The following TENM1 variants were observed in gnomAD, a reference collection of about 807,000 sequenced individuals.
The protein encoded by TENM1 is teneurin-1.
In TENM1, 35 loss-of-function variants were observed where a neutral mutation model predicts 174.8. The observed-to-expected ratio is 0.20, with a 90% confidence interval of 0.15 to 0.27. The LOEUF is 0.27. Among genes scored for constraint, TENM1 ranks in the 10% least tolerant of loss-of-function variants. The pLI is 1.00. For synonymous variants in TENM1, 781 were observed against 798.7 expected (o/e 0.98, Z 0.37); for missense variants, 1,633 against 2,130.1 (o/e 0.77, Z 4.59).
At chrX:125,193,398 T>C in the TENM1 span, among the ~76,000 whole-genome samples, 1 of 112,216 alleles carries the variant, frequency 8.9e-6, no homozygotes, top group Middle Eastern at 4.6e-3. Flanking sequence ...TTAGATTTTC[T>C]TTTTTAGAGA....
the TENM1 span, among the ~76,000 whole-genome samples, chrX:125,141,638 A>G: frequency 9.0e-6 from 1 of 111,482 alleles, no homozygotes; most frequent in African/African-American, 3.3e-5. Flanking sequence ...GGAGAGAAGC[A>G]TAACAGAAGA....
intron 18 of TENM1, among the ~76,000 whole-genome samples, chrX:124,510,574 G>A (rs1243393658): frequency 8.9e-6 from 1 of 111,799 alleles, no homozygotes; most frequent in African/African-American, 3.3e-5. Flanking sequence ...AGTCCCCTCT[G>A]ATATGGGTTG....
chrX:124,553,264 AGG>A (rs58349017), intron 14 of TENM1, among the ~76,000 whole-genome samples: 41,206 of 106,975 alleles, frequency 0.39, 6,558 homozygotes, highest in East Asian at 0.81. Context: ...TGGGAGACTG[AGG>A]GGGGGGGTGG....
At chrX:124,541,235 A>G (rs2048312343) in intron 15 of TENM1, among the ~76,000 whole-genome samples, 1 of 111,489 alleles carries the variant, frequency 9.0e-6, no homozygotes, top group Admixed American at 9.6e-5. Flanking sequence ...AGCATGATAT[A>G]GTTTGTATGT....
At position 124,954,625 on chromosome X, in the gene TENM1, G is replaced by A. The variant is rs1375197935; in HGVS notation, c.217+8912C>T. Among the ~76,000 whole-genome samples the A allele has an allele frequency of 2.7e-5, 3 of 111,582 alleles. No homozygotes were observed. In the Admixed American group the frequency reaches 2.9e-4, roughly 11 times the overall value. Reference sequence around the variant, plus strand: ...GTAAATCAAGATGACATAATGGCAAGGGAGGGTGAAATGTAGGGGCAGAGT... The same window carrying A: ...GTAAATCAAGATGACATAATGGCAAAGGAGGGTGAAATGTAGGGGCAGAGT... On this transcript the variant is annotated intron_variant, in intron 1 of 31. Coordinates refer to ENST00000422452, the Ensembl canonical transcript of TENM1.
upstream of TENM1, among the ~76,000 whole-genome samples, chrX:124,964,145 G>A (rs1460164459): frequency 8.9e-6 from 1 of 112,324 alleles, no homozygotes; most frequent in Non-Finnish European, 1.9e-5. Context: ...TAAAATCAGT[G>A]GTTAGATTAA....
the TENM1 span, among the ~76,000 whole-genome samples, chrX:125,005,435 GTGT>G: frequency 9.2e-6 from 1 of 108,502 alleles, no homozygotes; most frequent in African/African-American, 3.3e-5. Flanking sequence ...GTGTGTGTGT[GTGT>G]GTGTGTATTT....
At chrX:125,044,213 AAAAAAAAAAT>A in the TENM1 span, among the ~76,000 whole-genome samples, 21 of 92,402 alleles carry the variant, frequency 2.3e-4, no homozygotes, top group African/African-American at 1.0e-3. Flanking sequence ...AAAAAAAAAT[AAAAAAAAAAT>A]AAAAAAAAAA....
intron 1 of TENM1, among the ~76,000 whole-genome samples, chrX:124,945,488 A>C (rs2147766110): frequency 9.0e-6 from 1 of 111,422 alleles, no homozygotes; most frequent in South Asian, 3.8e-4. Context: ...GCCTATTGCA[A>C]AAATCAATAT....
the TENM1 span, among the ~76,000 whole-genome samples, chrX:125,141,049 T>C: frequency 1.8e-5 from 2 of 112,230 alleles, no homozygotes; most frequent in Non-Finnish European, 3.8e-5. Flanking sequence ...GTTTAGGCCC[T>C]ACCTATAATC....
intron 23 of TENM1, among the ~76,000 whole-genome samples, chrX:124,451,257 A>G (rs1239051701): frequency 9.1e-6 from 1 of 110,434 alleles, no homozygotes; most frequent in Non-Finnish European, 1.9e-5. Flanking sequence ...GCTACACTGA[A>G]TTTTCTTTTA....
At chrX:125,039,393 A>G in the TENM1 span, among the ~76,000 whole-genome samples, 3 of 111,443 alleles carry the variant, frequency 2.7e-5, no homozygotes, top group African/African-American at 6.5e-5. Context: ...TATCTGTGGT[A>G]TACATCAAAT....
At chrX:124,876,734 C>A (rs999101326) in intron 3 of TENM1, among the ~76,000 whole-genome samples, 1 of 111,869 alleles carries the variant, frequency 8.9e-6, no homozygotes, top group African/African-American at 3.2e-5. Flanking sequence ...AATCAGATTT[C>A]TTTCTCTACT....
chrX:124,405,649 G>A (rs1294520109), intron 26 of TENM1, among the ~76,000 whole-genome samples: 2 of 110,696 alleles, frequency 1.8e-5, no homozygotes, highest in Non-Finnish European at 3.8e-5. Context: ...CTTACCACCT[G>A]GGCCCACCAT....
At chrX:124,873,208 C>T (rs1426962213) in intron 3 of TENM1, among the ~76,000 whole-genome samples, 1 of 110,204 alleles carries the variant, frequency 9.1e-6, no homozygotes, top group African/African-American at 3.3e-5. Context: ...TATCAAAGTA[C>T]AAACGGGACA....
exon 7 of TENM1, chrX:124,653,737 A>G (rs2051367681): frequency 1.7e-6 from 2 of 1,209,894 alleles, no homozygotes; most frequent in Non-Finnish European, 2.2e-6. Flanking sequence ...TGACCTGTGC[A>G]CCAATGTCAA....
chrX:124,665,058 C>A (rs1268084734), intron 6 of TENM1, among the ~76,000 whole-genome samples: 2 of 111,878 alleles, frequency 1.8e-5, no homozygotes, highest in African/African-American at 3.2e-5. Flanking sequence ...GGTAACACGG[C>A]TGGGCGTGGT....
the TENM1 span, among the ~76,000 whole-genome samples, chrX:125,055,040 C>T: frequency 0.01 from 1,149 of 111,639 alleles, 9 homozygotes; most frequent in African/African-American, 0.035. Context: ...CCGTCACTTT[C>T]TAAATTGTAA....
At chrX:124,756,490 C>T (rs1219827305) in intron 3 of TENM1, among the ~76,000 whole-genome samples, 2 of 110,865 alleles carry the variant, frequency 1.8e-5, no homozygotes, top group Admixed American at 1.9e-4. Flanking sequence ...TCTCTCAACT[C>T]GTCAAAGTCA....
Sources: gnomAD v4.1 joint callset for allele counts (sites outside exome capture counted in the v4.1 genomes callset) on GRCh38, gnomAD v4.1.1 for gene constraint, MANE v1.5 for transcripts, NCBI Gene and HGNC (gene_info 2026-07-23, HGNC 2026-07-21) for gene names.